The following MACF1 variants were observed in gnomAD, a reference collection of about 807,000 sequenced individuals.
The protein encoded by MACF1 is microtubule-actin cross-linking factor 1.
Under a neutral mutation model 854.8 loss-of-function variants are expected in MACF1, and 193 were observed. That is an observed-to-expected ratio of 0.23 (90% confidence interval 0.20 to 0.25). The LOEUF is 0.25. Among genes scored for constraint, MACF1 ranks in the 10% least tolerant of loss-of-function variants. The probability of loss-of-function intolerance (pLI) is 1.00; values close to 1 mark genes in which losing one functional copy is unlikely to be tolerated. For missense variants in MACF1, 7,722 were observed against 8,929.1 expected, an observed-to-expected ratio of 0.86 and a Z score of 5.45; for synonymous variants, 3,185 against 3,226.7, an observed-to-expected ratio of 0.99 and a Z score of 0.44.
In MACF1 at chr1:39,216,069, G is replaced by A. The variant is rs538927446; in HGVS notation, c.109+10938G>A. Among the ~76,000 whole-genome samples the A allele has an allele frequency of 3.0e-4, 45 of 152,208 alleles. No homozygotes were observed. The East Asian group carries it at 6.4e-3, about 22-fold the overall frequency. ...AACAAGTGACTTAACCTTTTTGGCCGTAGGTTTCCTTGGTTTCAAAATTGT... is the reference window on the plus strand; with the variant it reads ...AACAAGTGACTTAACCTTTTTGGCCATAGGTTTCCTTGGTTTCAAAATTGT... On this transcript the variant is annotated intron_variant, in intron 1 of 100. Transcript: ENST00000564288.
In MACF1 at chr1:39,231,193, C is replaced by A; in HGVS notation, c.121C>A (p.Arg41=). 2 of 1,614,106 alleles carry A rather than the reference C, an allele frequency of 1.2e-6. No homozygotes were observed. Among genetic ancestry groups the A allele is most frequent in the Non-Finnish European group, 1.7e-6 (2 of 1,179,964 alleles). The change falls in exon 2 of 101, where the codon CGG becomes AGG. Residue 41 remains arginine (R), a synonymous_variant. Transcript: ENST00000564288. ...HARGRADERD[R]VQKKTFTKWV... ...TGTTTCCTTTACAGATGAACGGGACCGGGTTCAGAAGAAAACGTTCACCAA... is the reference window on the plus strand; with the variant it reads ...TGTTTCCTTTACAGATGAACGGGACAGGGTTCAGAAGAAAACGTTCACCAA...
chr1:39,193,851 T>C (rs753716907), intron 2 of MACF1, among the ~76,000 whole-genome samples: 1 of 152,084 alleles, frequency 6.6e-6, no homozygotes, highest in African/African-American at 2.4e-5. Flanking sequence ...TTTTTTCTTT[T>C]TTTCTTTTTT....
intron 52 of MACF1, among the ~76,000 whole-genome samples, chr1:39,375,721 C>A (rs1008977732): frequency 1.3e-5 from 2 of 152,202 alleles, no homozygotes; most frequent in African/African-American, 4.8e-5. Flanking sequence ...AATGTCAGAA[C>A]AGGCTTTGAT....
intron 58 of MACF1, among the ~76,000 whole-genome samples, chr1:39,405,503 G>A (rs991928939): frequency 2.0e-5 from 3 of 152,212 alleles, no homozygotes; most frequent in Non-Finnish European, 4.4e-5. Flanking sequence ...CAGAGGGCTG[G>A]CATTTTAGGT....
chr1:39,186,522 A>G (rs1644176393), intron 2 of MACF1, among the ~76,000 whole-genome samples: 2 of 152,086 alleles, frequency 1.3e-5, no homozygotes, highest in Non-Finnish European at 2.9e-5. Context: ...CCAACTTTCT[A>G]TAACATTAAA....
In MACF1 at chr1:39,309,554, T is replaced by C. The variant is rs1470033121; in HGVS notation, c.2790-16T>C. ...AGTCTTACAAAGGTAATAGTCAGGTTCTGTGTTATTTCTAGGGTCGAACAA... is the reference window on the plus strand; with the variant it reads ...AGTCTTACAAAGGTAATAGTCAGGTCCTGTGTTATTTCTAGGGTCGAACAA... On this transcript the variant is annotated splice_polypyrimidine_tract_variant and intron_variant, in intron 23 of 100. Transcript: ENST00000564288. 6.2e-7 allele frequency: 1 copy of C among 1,613,886 alleles called. No individual in the cohort carries two copies. The highest frequency in any genetic ancestry group is 1.3e-5 in the African/African-American group (1 of 75,060).
intron 2 of MACF1, among the ~76,000 whole-genome samples, chr1:39,190,377 G>T (rs1247845015): frequency 9.2e-6 from 1 of 108,862 alleles, no homozygotes. Context: ...TTTTGTGTGT[G>T]TGTGTGTGTG....
chr1:39,172,168 G>A (rs957442073), intron 2 of MACF1, among the ~76,000 whole-genome samples: 4 of 152,182 alleles, frequency 2.6e-5, no homozygotes, highest in Non-Finnish European at 4.4e-5. Context: ...GGACAGTCAA[G>A]TAATGAATTT....
In MACF1 at chr1:39,274,343, T is replaced by A. The variant is rs1305259717; in HGVS notation, c.529-7865T>A. ...AAATTATGATATAATACATATACAG[T>A]TGGCTCTCTGCATTGTGGGTTCTGC... On this transcript the variant is annotated intron_variant, in intron 6 of 100. Coordinates refer to ENST00000564288, the MANE Select transcript of MACF1 (RefSeq NM_001394062.1). Among the ~76,000 whole-genome samples the A allele has an allele frequency of 1.1e-4, 16 of 152,204 alleles. No individual in the cohort carries two copies. In the South Asian group the frequency reaches 3.1e-3, roughly 30 times the overall value.
chr1:39,276,867 G>T (rs1645447514), intron 6 of MACF1, among the ~76,000 whole-genome samples: 2 of 152,056 alleles, frequency 1.3e-5, no homozygotes, highest in Admixed American at 1.3e-4. Context: ...GGAGCTTATA[G>T]TCAGTTCATG....
chr1:39,291,866 A>G, intron 15 of MACF1, 44 bp from the exon 16 acceptor site: 1 of 1,586,088 alleles, frequency 6.3e-7, no homozygotes, highest in Non-Finnish European at 8.6e-7. Context: ...TTTCCTACCA[A>G]GCCAGCAGTA....
At chr1:39,148,758 C>T (rs775229825) in intron 2 of MACF1, among the ~76,000 whole-genome samples, 78 of 152,254 alleles carry the variant, frequency 5.1e-4, no homozygotes, top group Admixed American at 9.8e-4. Flanking sequence ...AATATACTTA[C>T]ATGTATATAT....
chr1:39,440,111 CTTTTTTTTTT>C (rs774399403), intron 72 of MACF1, among the ~76,000 whole-genome samples: 1 of 64,568 alleles, frequency 1.5e-5, no homozygotes, highest in Non-Finnish European at 3.1e-5. Flanking sequence ...CTTTTCTTTT[CTTTTTTTTTT>C]TTTTTTTTGG....
At chr1:39,368,048 C>T (rs1217975747) in intron 49 of MACF1, 100 bp from the exon 50 acceptor site, 6 of 773,724 alleles carry the variant, frequency 7.8e-6, no homozygotes, top group South Asian at 2.5e-5. Flanking sequence ...TTGTTTTGAT[C>T]TAGCATTTGA....
At chr1:39,211,487 C>T (rs1644515708) in intron 1 of MACF1, among the ~76,000 whole-genome samples, 1 of 152,192 alleles carries the variant, frequency 6.6e-6, no homozygotes, top group South Asian at 2.1e-4. Context: ...ATGCTGGTCT[C>T]GAACTCCTGG....
rs1644147317 is a variant in MACF1, at chr1:39,442,838, T to C, written c.19229T>C (p.Met6410Thr). The change falls in exon 78 of 101, where the codon ATG (methionine) becomes ACG (threonine). Residue 6410 changes from methionine to threonine, a missense_variant. By Grantham distance (81) the Met-to-Thr change is moderately conservative. Transcript: ENST00000564288. ...AGCTTAAGGAGCCGTTTGGAAGCCA[T>C]GAACCAATGCTGGGAGTCAGTGTTA... The part of the protein sequence containing the change: ...ASSLRSRLEA[M>T]NQCWESVLQK... The C allele has an allele frequency of 4.3e-6, 7 of 1,613,956 alleles. No homozygotes were observed. Among genetic ancestry groups the C allele is most frequent in the East Asian group, 2.2e-5 (1 of 44,894 alleles).
At position 39,309,085 on chromosome 1, in the gene MACF1, A is replaced by G. The variant is rs576145003; in HGVS notation, c.2790-485A>G. Among the ~76,000 whole-genome samples the G allele has an allele frequency of 3.3e-5, 5 of 152,154 alleles. No individual in the cohort carries two copies. In the East Asian group the frequency reaches 5.8e-4, roughly 18 times the overall value. On this transcript the variant is annotated intron_variant, in intron 23 of 100. Transcript: ENST00000564288. ...TCCTTTTTCAACAATTCTGGATGGG[A>G]TGTTGTTTATGCCTTTCCCTATTAT...
chr1:39,342,055 C>A (rs1264672410), intron 40 of MACF1, among the ~76,000 whole-genome samples: 17 of 151,450 alleles, frequency 1.1e-4, no homozygotes, highest in Non-Finnish European at 1.2e-4. Context: ...TGCTCCCACC[C>A]CCTCACCCTC....
chr1:39,194,894 A>G lies in MACF1; in HGVS notation c.221-36288A>G, dbSNP rs1032184138. ...TGTTTTGGAGAGATGGGGTCTTGCT[A>G]TGTTGCCCAGGGTGGTCTTAAACTC... On this transcript the variant is annotated intron_variant, in intron 2 of 93. Transcript: ENST00000361689. 1.1e-4 allele frequency among the ~76,000 whole-genome samples: 16 copies of G among 151,828 alleles called. 1 individual carries two copies. The highest frequency in any genetic ancestry group is 8.3e-4 in the South Asian group (4 of 4,818).
Sources: gnomAD v4.1 joint callset for allele counts (sites outside exome capture counted in the v4.1 genomes callset) on GRCh38, gnomAD v4.1.1 for gene constraint, MANE v1.5 for transcripts, NCBI Gene and HGNC (gene_info 2026-07-23, HGNC 2026-07-21) for gene names.